Variants in RPL8 observed in about 807,000 individuals in gnomAD.
The protein encoded by RPL8 is ribosomal protein L8.
For missense variants in RPL8, 248 were observed against 365.9 expected (o/e 0.68, Z 2.63); for synonymous variants, 182 against 143.2 (o/e 1.27, Z -1.94).
Position 144,792,232 on chromosome 8 carries a change from C to T in RPL8, c.-103G>A, listed in dbSNP as rs1290446800. The T allele has an allele frequency of 7.2e-7, 1 of 1,383,986 alleles. No homozygotes were observed. Among genetic ancestry groups the T allele is most frequent in the Non-Finnish European group, 9.3e-7 (1 of 1,073,512 alleles). 85.7% of individuals were successfully genotyped at this position (1,383,986 alleles called of 1,614,324 possible). A position where few individuals can be genotyped will look rare whatever the true frequency, so the allele number is the denominator to read the frequency against. On this transcript the variant is annotated 5_prime_UTR_variant, in exon 1 of 5. Transcript: ENST00000528957. ...ACCCCGCCCCCGAGGCCGCCGCGCC[C>T]ACCACTCCCTACCCTCTCCGCGGGC...
At position 144,792,188 on chromosome 8, in the gene RPL8, G is replaced by T. The variant is rs1323137370; in HGVS notation, c.-59C>A. On this transcript the variant is annotated 5_prime_UTR_variant, in exon 1 of 5. Coordinates refer to ENST00000528957, the MANE Select transcript of RPL8 (RefSeq NM_001317782.2). Reference sequence around the variant, plus strand: ...GCGGCCGGGCGGCCCGGGTACCCCCGCCAGCCCGGCTTTCCGGGACCCCGC... The same window carrying T: ...GCGGCCGGGCGGCCCGGGTACCCCCTCCAGCCCGGCTTTCCGGGACCCCGC... 4 of 1,427,816 alleles carry T rather than the reference G, an allele frequency of 2.8e-6. No homozygotes were observed. The East Asian group carries it at 8.2e-5, about 29-fold the overall frequency. The allele number at this position is 1,427,816 out of a possible 1,614,324, so 88.4% of individuals were successfully genotyped here. A position where few individuals can be genotyped will look rare whatever the true frequency, so the allele number is the denominator to read the frequency against.
chr8:144,790,026 G>C (rs1490637134), intron 4 of RPL8, 64 bp from the exon 5 acceptor site: 5 of 1,506,410 alleles, frequency 3.3e-6, no homozygotes, highest in Non-Finnish European at 4.4e-6. Flanking sequence ...CGGCCTCGGG[G>C]TCCCACCCGT....
At chr8:144,791,525 G>A in intron 2 of RPL8, 30 bp from the exon 3 acceptor site, 2 of 1,607,104 alleles carry the variant, frequency 1.2e-6, no homozygotes, top group Non-Finnish European at 8.5e-7. Context: ...CAGGCCGTCA[G>A]CACAGTAAGA....
intron 3 of RPL8, chr8:144,790,905 G>A (rs1826486642): frequency 2.1e-5 from 10 of 475,646 alleles, no homozygotes; most frequent in South Asian, 1.7e-4. Flanking sequence ...AGTTAACCTA[G>A]ACTCAAATCC....
chr8:144,790,037 CA>C, intron 4 of RPL8, 75 bp from the exon 5 acceptor site: 1 of 1,486,364 alleles, frequency 6.7e-7, no homozygotes, highest in Non-Finnish European at 9.0e-7. Context: ...TCCCACCCGT[CA>C]GGGGCCCAAT....
rs781716295 is a variant in RPL8, at chr8:144,792,145, G to A, written c.-16C>T. On this transcript the variant is annotated 5_prime_UTR_variant, in exon 1 of 5. Coordinates refer to ENST00000528957, the MANE Select transcript of RPL8 (RefSeq NM_001317782.2). Reference sequence around the variant, plus strand: ...CACGGCCCATGGCGACGGGTCCTGGGGGCGACTCACGATTAGCGCGGCCGG... The same window carrying A: ...CACGGCCCATGGCGACGGGTCCTGGAGGCGACTCACGATTAGCGCGGCCGG... 3 of 1,488,726 alleles carry A rather than the reference G, an allele frequency of 2.0e-6. No homozygotes were observed. In the South Asian group the frequency reaches 3.9e-5, roughly 20 times the overall value. The allele number at this position is 1,488,726 out of a possible 1,614,324, so 92.2% of individuals were successfully genotyped here. A position where few individuals can be genotyped will look rare whatever the true frequency, so the allele number is the denominator to read the frequency against.
chr8:144,791,351 T>G lies in RPL8; in HGVS notation c.425A>C (p.Glu142Ala). The G allele has an allele frequency of 6.2e-7, 1 of 1,613,626 alleles. No homozygotes were observed. Among genetic ancestry groups the G allele is most frequent in the Non-Finnish European group, 8.5e-7 (1 of 1,180,002 alleles). ...NYATVISHNP[E>A]TKKTRVKLPS... ...CAGCTTCACACGGGTCTTCTTGGTC[T>G]CAGGGTTGTGGGAGATAACGGTGGC... is the stretch of plus-strand genomic sequence containing the variant. Residue 142 changes from glutamate to alanine, a missense_variant, in exon 3 of 5, where the codon GAG (glutamate) becomes GCG (alanine). Glu to Ala is a moderately radical substitution (Grantham distance 107). Coordinates refer to ENST00000528957, the MANE Select transcript of RPL8 (RefSeq NM_001317782.2).
At chr8:144,790,224 C>T in intron 4 of RPL8, 131 bp downstream of exon 4, 1 of 827,292 alleles carries the variant, frequency 1.2e-6, no homozygotes, top group South Asian at 1.6e-5. Flanking sequence ...CCCGTGACTA[C>T]AAACCACCAC....
chr8:144,792,242 T>G lies in RPL8; in HGVS notation c.-113A>C. ...CGAGGCCGCCGCGCCCACCACTCCC[T>G]ACCCTCTCCGCGGGCGCCCGCACCG... On this transcript the variant is annotated 5_prime_UTR_variant, in exon 1 of 5. Coordinates refer to ENST00000528957, the MANE Select transcript of RPL8 (RefSeq NM_001317782.2). 4 of 1,331,320 alleles carry G rather than the reference T, an allele frequency of 3.0e-6. No homozygotes were observed. Among genetic ancestry groups the G allele is most frequent in the Non-Finnish European group, 3.9e-6 (4 of 1,036,588 alleles). 82.5% of individuals were successfully genotyped at this position (1,331,320 alleles called of 1,614,324 possible).
Position 144,791,232 on chromosome 8 carries a change from T to C in RPL8, c.499+45A>G, listed in dbSNP as rs757417339. ...TGGCTGTCCACCGGCACTCACAGCA[T>C]GTTCACCCACAGCCCTCAGCATTCA... is the stretch of plus-strand genomic sequence containing the variant. On this transcript the variant is annotated intron_variant, in intron 3 of 4. Coordinates refer to ENST00000528957, the MANE Select transcript of RPL8 (RefSeq NM_001317782.2). 1.0e-5 allele frequency: 16 copies of C among 1,580,674 alleles called. No homozygotes were observed. In the African/African-American group the frequency reaches 2.2e-4, roughly 21 times the overall value.
intron 2 of RPL8, 92 bp downstream of exon 2, chr8:144,791,681 C>A: frequency 6.3e-7 from 1 of 1,580,350 alleles, no homozygotes; most frequent in East Asian, 2.2e-5. Context: ...CTTCTGCCTG[C>A]GAGGTTCCCA....
At chr8:144,790,008 C>T (rs139115712) in intron 4 of RPL8, 46 bp from the exon 5 acceptor site, 6 of 1,560,590 alleles carry the variant, frequency 3.8e-6, no homozygotes, top group Non-Finnish European at 5.2e-6. Context: ...CCCCACCACC[C>T]CCGCCCCCGG....
In RPL8 at chr8:144,791,759, G is replaced by A; in HGVS notation, c.280+14C>T. The A allele has an allele frequency of 3.7e-6, 6 of 1,604,046 alleles. No individual in the cohort carries two copies. Among genetic ancestry groups the A allele is most frequent in the East Asian group, 2.2e-5 (1 of 44,712 alleles). ...CTCCCCACCCCGACCTTCCTTCCCC[G>A]CCGCGATGCTAACCCTTCTTGCCGC... On this transcript the variant is annotated intron_variant, in intron 2 of 4. Transcript: ENST00000528957.
intron 3 of RPL8, chr8:144,790,750 G>A (rs1214595271): frequency 1.1e-5 from 7 of 645,494 alleles, no homozygotes; most frequent in South Asian, 1.5e-5. Flanking sequence ...GAGACGTCAG[G>A]CCGGCCACTC....
intron 3 of RPL8, 50 bp from the exon 4 acceptor site, chr8:144,790,520 C>CCA: frequency 1.5e-6 from 2 of 1,378,500 alleles, no homozygotes; most frequent in Non-Finnish European, 1.0e-6. Flanking sequence ...CAGAGCACCC[C>CCA]CACCTCCCCT....
chr8:144,790,152 G>A (rs772653485), intron 4 of RPL8, among the ~76,000 whole-genome samples, 190 bp from the exon 5 acceptor site: 12 of 152,072 alleles, frequency 7.9e-5, no homozygotes, highest in Non-Finnish European at 1.2e-4. Flanking sequence ...CGTTTCTTGC[G>A]GAGAAACGGT....
intron 3 of RPL8, 176 bp downstream of exon 3, chr8:144,791,101 C>T (rs1017261051): frequency 7.9e-6 from 5 of 629,830 alleles, no homozygotes; most frequent in African/African-American, 1.8e-5. Context: ...TACTGTTGTG[C>T]CTGTTGTACA....
chr8:144,790,703 G>A (rs1377912391), intron 3 of RPL8: 4 of 684,002 alleles, frequency 5.8e-6, no homozygotes, highest in African/African-American at 3.5e-5. Context: ...TGCTGGCTGA[G>A]CTCCAAGCGC....
chr8:144,790,265 C>CT (rs1231239056), intron 4 of RPL8, 90 bp downstream of exon 4: 1 of 1,099,544 alleles, frequency 9.1e-7, no homozygotes, highest in Non-Finnish European at 1.4e-6. Flanking sequence ...GATCCCCCTC[C>CT]TGCAGGGACA....
Sources: allele counts gnomAD v4.1 joint callset (sites outside exome capture counted in the v4.1 genomes callset), GRCh38; gene constraint gnomAD v4.1.1; transcripts MANE v1.5; gene names NCBI Gene and HGNC (gene_info 2026-07-23, HGNC 2026-07-21).